TRERF1: variants seen among roughly 807,000 people sequenced by gnomAD.
The protein encoded by TRERF1 is transcriptional regulating factor 1, also known as transcriptional-regulating factor 1.
Under a neutral mutation model 122.9 loss-of-function variants are expected in TRERF1, and 27 were observed. The ratio of observed to expected loss-of-function variants is 0.22; its 90% CI spans 0.16 to 0.30. The LOEUF (loss-of-function observed/expected upper bound fraction) is 0.30. Among genes scored for constraint, TRERF1 ranks in the 10% least tolerant of loss-of-function variants. The pLI is 1.00. For synonymous variants in TRERF1, 636 were observed against 641.7 expected (o/e 0.99, Z 0.13); for missense variants, 1,248 against 1,560.3 (o/e 0.80, Z 3.37).
At chr6:42,341,731 C>T (rs1010853314) in intron 3 of TRERF1, among the ~76,000 whole-genome samples, 2 of 151,970 alleles carry the variant, frequency 1.3e-5, no homozygotes, top group East Asian at 1.9e-4. Context: ...AGTTGTTTCA[C>T]GAAAAAAAAT....
chr6:42,281,391 T>C (rs35555528), intron 4 of TRERF1, among the ~76,000 whole-genome samples: 4,149 of 152,192 alleles, frequency 0.027, 55 homozygotes, highest in Non-Finnish European at 0.037. Context: ...ACCTCAGGTA[T>C]TTCATTTTTC....
chr6:42,442,230 C>T (rs1177033157), intron 2 of TRERF1, among the ~76,000 whole-genome samples: 1 of 152,046 alleles, frequency 6.6e-6, no homozygotes, highest in Non-Finnish European at 1.5e-5. Context: ...CCTATTAAAA[C>T]TCCTTGGGCA....
In TRERF1 at chr6:42,228,323, T is replaced by A; in HGVS notation, c.*22A>T. ...AGATGGAGGCCGTGGGTTTTCACTG[T>A]CTCTAAGTGACACACAGGGCTTTAT... On this transcript the variant is annotated 3_prime_UTR_variant, in exon 18 of 18. Transcript: ENST00000372922. The surrounding 1 kb of genome is among the most constrained non-coding windows in gnomAD (Gnocchi z 4.2). 1 of 1,578,150 alleles carries A rather than the reference T, an allele frequency of 6.3e-7. No homozygotes were observed. The highest frequency in any genetic ancestry group is 8.6e-7 in the Non-Finnish European group (1 of 1,159,346).
intron 7 of TRERF1, 142 bp downstream of exon 7, chr6:42,264,562 C>G (rs1472335924): frequency 7.4e-7 from 1 of 1,347,316 alleles, no homozygotes; most frequent in Non-Finnish European, 9.9e-7. Flanking sequence ...GCTCCCAGCG[C>G]CAAAGCCTAA....
At chr6:42,304,510 A>G (rs566577707) in intron 3 of TRERF1, among the ~76,000 whole-genome samples, 10 of 152,344 alleles carry the variant, frequency 6.6e-5, no homozygotes, top group Non-Finnish European at 1.2e-4. Context: ...GTGAATATCC[A>G]CAAGAATCCA....
intron 3 of TRERF1, among the ~76,000 whole-genome samples, chr6:42,303,904 TAAAAAAAAAAAAA>T (rs60880174): frequency 2.9e-5 from 2 of 69,262 alleles, no homozygotes; most frequent in Non-Finnish European, 5.1e-5. Flanking sequence ...CACTGTCTCA[TAAAAAAAAAAAAA>T]AAAAAAAAAA....
chr6:42,381,225 GGACTACAAGCTCCCCGGA>G lies in TRERF1; in HGVS notation c.-453-18164_-453-18147del, dbSNP rs1307376987. Among the ~76,000 whole-genome samples the G allele has an allele frequency of 4.0e-5, 6 of 151,786 alleles. No homozygotes were observed. In the East Asian group the frequency reaches 1.2e-3, roughly 30 times the overall value. ...TGGCAGGGGCTGTGCTGCCCCCATT[GGACTACAAGCTCCCCGGA>G]GACAGGGTTTATCTGCCTCTTTCCC... On this transcript the variant is annotated intron_variant, in intron 2 of 17. Transcript: ENST00000372922.
chr6:42,320,923 AACTGATG>A (rs1456600950), intron 3 of TRERF1, among the ~76,000 whole-genome samples: 1 of 152,168 alleles, frequency 6.6e-6, no homozygotes, highest in Non-Finnish European at 1.5e-5. Context: ...GAAGATTAGA[AACTGATG>A]ATGCAAGCAC....
At chr6:42,323,752 G>C (rs1468774969) in intron 3 of TRERF1, among the ~76,000 whole-genome samples, 1 of 152,192 alleles carries the variant, frequency 6.6e-6, no homozygotes. Context: ...AAGCAGGTAA[G>C]CATTGGTTGG....
chr6:42,231,258 T>C (rs1184814791), intron 17 of TRERF1, among the ~76,000 whole-genome samples: 2 of 152,218 alleles, frequency 1.3e-5, no homozygotes, highest in Non-Finnish European at 1.5e-5. Context: ...AGAAGGCCCT[T>C]GCCAGATGCA....
intron 14 of TRERF1, among the ~76,000 whole-genome samples, chr6:42,245,683 A>G (rs998975231): frequency 3.9e-5 from 6 of 152,232 alleles, no homozygotes; most frequent in South Asian, 2.1e-4. Flanking sequence ...TACGCAAGGT[A>G]TTTTTATTAT....
chr6:42,436,800 C>CAAAAAAAAAAAAAAAA (rs775861205), intron 2 of TRERF1, among the ~76,000 whole-genome samples: 1 of 77,550 alleles, frequency 1.3e-5, no homozygotes, highest in African/African-American at 6.3e-5. Flanking sequence ...TCTCCCTCTA[C>CAAAAAAAAAAAAAAAA]AAAAAAAAAA....
chr6:42,379,992 A>T (rs1307273803), intron 2 of TRERF1, among the ~76,000 whole-genome samples: 1 of 152,202 alleles, frequency 6.6e-6, no homozygotes, highest in Non-Finnish European at 1.5e-5. Context: ...AGAGAAAAGG[A>T]ATACAGGAGG....
chr6:42,274,614 G>A (rs1780839174), intron 4 of TRERF1, among the ~76,000 whole-genome samples: 1 of 152,090 alleles, frequency 6.6e-6, no homozygotes, highest in Admixed American at 6.5e-5. Flanking sequence ...GGGAGGTCAA[G>A]GTTGCAGTGA....
intron 3 of TRERF1, among the ~76,000 whole-genome samples, chr6:42,362,736 T>C (rs1323373349): frequency 6.6e-6 from 1 of 152,182 alleles, no homozygotes; most frequent in Non-Finnish European, 1.5e-5. Flanking sequence ...TGGACATCCA[T>C]TGGATCCTCA....
At chr6:42,249,075 C>T (rs992771625) in intron 13 of TRERF1, among the ~76,000 whole-genome samples, 2 of 152,176 alleles carry the variant, frequency 1.3e-5, no homozygotes, top group African/African-American at 2.4e-5. Context: ...ACCACAATGG[C>T]GGTCTGTCAT....
intron 2 of TRERF1, among the ~76,000 whole-genome samples, chr6:42,363,828 G>C: frequency 6.6e-6 from 1 of 152,140 alleles, no homozygotes; most frequent in Non-Finnish European, 1.5e-5. Flanking sequence ...CCCTTCCCTG[G>C]AGTCTCCAGA....
At chr6:42,410,938 G>A (rs963952902) in intron 2 of TRERF1, among the ~76,000 whole-genome samples, 1 of 152,234 alleles carries the variant, frequency 6.6e-6, no homozygotes, top group Admixed American at 6.5e-5. Flanking sequence ...AGCACATACA[G>A]AGAAGCTGTG....
chr6:42,374,192 G>T (rs1164355400), intron 2 of TRERF1, among the ~76,000 whole-genome samples: 2 of 151,644 alleles, frequency 1.3e-5, no homozygotes, highest in African/African-American at 4.8e-5. Flanking sequence ...GGAAGAGCCT[G>T]CTAAGCCTTA....
Sources: gnomAD v4.1 joint callset for allele counts (sites outside exome capture counted in the v4.1 genomes callset) on GRCh38, gnomAD v4.1.1 for gene constraint, Gnocchi (gnomAD v3.1) non-coding constraint, MANE v1.5 for transcripts, NCBI Gene and HGNC (gene_info 2026-07-23, HGNC 2026-07-21) for gene names.